The following LTO1 variants were observed in gnomAD, a reference collection of about 807,000 sequenced individuals.
LTO1 encodes LTO1 maturation factor of ABCE1.
A neutral mutation model predicts 19.8 loss-of-function variants in LTO1; 18 were observed. That is an observed-to-expected ratio of 0.91 (90% CI 0.63 to 1.35). The LOEUF (loss-of-function observed/expected upper bound fraction) is 1.35, where lower values mean the gene tolerates loss of function less well. Ranked by LOEUF, LTO1 falls within the 40% of genes most tolerant of loss-of-function variation. The probability of loss-of-function intolerance (pLI) is 0.00; values close to 1 mark genes in which losing one functional copy is unlikely to be tolerated. For missense variants in LTO1, 175 were observed against 167.9 expected, an observed-to-expected ratio of 1.04 and a Z score of -0.23; for synonymous variants, 59 against 59.6, an observed-to-expected ratio of 0.99 and a Z score of 0.05.
At chr11:69,670,458 G>A (rs1384874746) in intron 3 of LTO1, among the ~76,000 whole-genome samples, 1 of 152,238 alleles carries the variant, frequency 6.6e-6, no homozygotes, top group African/African-American at 2.4e-5. Flanking sequence ...GGGATCCCCA[G>A]CTGCCGGCCG....
At position 69,667,470 on chromosome 11, in the gene LTO1, CA is replaced by C. The variant is rs1856049290; in HGVS notation, c.*48del. The C allele has an allele frequency of 8.2e-7, 1 of 1,222,460 alleles. No homozygotes were observed. The highest frequency in any genetic ancestry group is 1.2e-5 in the South Asian group (1 of 82,836). 75.7% of individuals were successfully genotyped at this position (1,222,460 alleles called of 1,614,324 possible). A position where few individuals can be genotyped will look rare whatever the true frequency, so the allele number is the denominator to read the frequency against. On this transcript the variant is annotated 3_prime_UTR_variant, in exon 5 of 5. Coordinates refer to ENST00000279147, the MANE Select transcript of LTO1 (RefSeq NM_153451.3). ...CCCTTCACCGCATTTCTAAACACGT[CA>C]CACACACATCTGTTCCTCGACGTTC...
At chr11:69,667,784 C>T (rs528951178) in intron 4 of LTO1, 111 bp downstream of exon 4, 10 of 748,566 alleles carry the variant, frequency 1.3e-5, no homozygotes, top group African/African-American at 5.2e-5. Flanking sequence ...GACAGTTCCG[C>T]GGCGCACGCA....
intron 3 of LTO1, among the ~76,000 whole-genome samples, chr11:69,669,605 G>A (rs575816176): frequency 5.9e-5 from 9 of 152,312 alleles, no homozygotes; most frequent in Non-Finnish European, 1.2e-4. Flanking sequence ...CTTGGCAAGC[G>A]GTTACTTTTC....
chr11:69,666,889 CT>C lies in LTO1; in HGVS notation c.*629del, dbSNP rs1402820712. ...CTGTGCATTCCGGAGGCGGCTGTGC[CT>C]GGTGGCAGTGAGGCACAGCCTTAGG... On this transcript the variant is annotated 3_prime_UTR_variant, in exon 5 of 5. Coordinates refer to ENST00000279147, the MANE Select transcript of LTO1 (RefSeq NM_153451.3). 1 of 152,268 alleles carries C rather than the reference CT, an allele frequency of 6.6e-6. No homozygotes were observed. Among genetic ancestry groups the C allele is most frequent in the Non-Finnish European group, 1.5e-5 (1 of 68,108 alleles). The allele number at this position is 152,268 out of a possible 1,614,324, so 9.4% of individuals were successfully genotyped here. A position where few individuals can be genotyped will look rare whatever the true frequency, so the allele number is the denominator to read the frequency against.
At chr11:69,673,751 G>A (rs1335148145) in intron 1 of LTO1, among the ~76,000 whole-genome samples, 4 of 131,924 alleles carry the variant, frequency 3.0e-5, no homozygotes, top group African/African-American at 1.1e-4. Context: ...GCAGTGGTAT[G>A]ATCACAGCTC....
intron 3 of LTO1, 78 bp downstream of exon 3, chr11:69,671,671 C>T: frequency 3.7e-6 from 3 of 815,630 alleles, no homozygotes; most frequent in Non-Finnish European, 6.6e-6. Context: ...AGATTGATTA[C>T]TCAAGGGCAT....
intron 3 of LTO1, among the ~76,000 whole-genome samples, chr11:69,670,692 C>G (rs574397779): frequency 2.0e-5 from 3 of 152,058 alleles, no homozygotes; most frequent in Non-Finnish European, 4.4e-5. Context: ...AGAGAGTTAC[C>G]CACTCTCCTT....
chr11:69,672,984 T>A, intron 2 of LTO1: 2 of 530,400 alleles, frequency 3.8e-6, no homozygotes, highest in Non-Finnish European at 7.1e-6. Flanking sequence ...GTATTTTTAG[T>A]AGAGACAGGG....
chr11:69,669,946 A>T (rs936684121), intron 3 of LTO1, among the ~76,000 whole-genome samples: 7 of 152,064 alleles, frequency 4.6e-5, no homozygotes, highest in African/African-American at 1.7e-4. Context: ...TTCTCTTAAC[A>T]TCCTTATTTG....
Position 69,667,750 on chromosome 11 carries a change from A to G in LTO1, c.345+145T>C. ...CTGTCTTCAGTTTTCCTGCACTGCG[A>G]CTCAAGGATGAGGCGCCTCTACGGA... On this transcript the variant is annotated intron_variant, in intron 4 of 4. Coordinates refer to ENST00000279147, the MANE Select transcript of LTO1 (RefSeq NM_153451.3). The G allele has an allele frequency of 5.6e-6, 4 of 708,074 alleles. No individual in the cohort carries two copies. The South Asian group carries it at 6.8e-5, about 12-fold the overall frequency. The allele number at this position is 708,074 out of a possible 1,614,324, so 43.9% of individuals were successfully genotyped here.
At chr11:69,670,954 G>A (rs951434952) in intron 3 of LTO1, among the ~76,000 whole-genome samples, 21 of 152,146 alleles carry the variant, frequency 1.4e-4, no homozygotes, top group African/African-American at 4.6e-4. Flanking sequence ...AGGCTGGAGC[G>A]CAGTGGCATT....
At chr11:69,669,010 AGAGT>A (rs1211243636) in intron 3 of LTO1, among the ~76,000 whole-genome samples, 1 of 143,964 alleles carries the variant, frequency 6.9e-6, no homozygotes, top group African/African-American at 2.7e-5. Context: ...CCTAGGGGAC[AGAGT>A]GAGAATCCGT....
At chr11:69,670,126 C>T (rs950469071) in intron 3 of LTO1, among the ~76,000 whole-genome samples, 3 of 152,140 alleles carry the variant, frequency 2.0e-5, no homozygotes, top group African/African-American at 4.8e-5. Context: ...GGGATGAGGG[C>T]GGCTGCGAGG....
At chr11:69,673,887 C>T (rs2119852963) in intron 1 of LTO1, among the ~76,000 whole-genome samples, 1 of 151,784 alleles carries the variant, frequency 6.6e-6, no homozygotes. Context: ...GATGGAGTCT[C>T]GCTTTGTCGC....
At chr11:69,672,802 T>G (rs1856125710) in intron 2 of LTO1, 1 of 313,450 alleles carries the variant, frequency 3.2e-6, no homozygotes, top group South Asian at 2.9e-5. Context: ...GCACTGTGAT[T>G]TTTTTTGTTT....
rs1459671260 is a variant in LTO1, at chr11:69,666,729, T to A, written c.*790A>T. 1 of 152,292 alleles carries A rather than the reference T, an allele frequency of 6.6e-6. No homozygotes were observed. The highest frequency in any genetic ancestry group is 1.9e-4 in the East Asian group (1 of 5,194). 9.4% of individuals were successfully genotyped at this position (152,292 alleles called of 1,614,324 possible). On this transcript the variant is annotated 3_prime_UTR_variant, in exon 5 of 5. Coordinates refer to ENST00000279147, the MANE Select transcript of LTO1 (RefSeq NM_153451.3). ...CTAGGGACAGTGCAAAGGATATGTC[T>A]GGGTCCCCTCAGGATCAGGTTGGCC... is the stretch of plus-strand genomic sequence containing the variant.
At position 69,667,422 on chromosome 11, in the gene LTO1, A is replaced by C; in HGVS notation, c.*97T>G. ...GGAACCCTCACCCTCCCAATGAACA[A>C]CTGCCTTCCCAGCACCGTCTGGCCC... On this transcript the variant is annotated 3_prime_UTR_variant, in exon 5 of 5. Transcript: ENST00000279147. 2.4e-6 allele frequency: 2 copies of C among 836,812 alleles called. No homozygotes were observed. Among genetic ancestry groups the C allele is most frequent in the Non-Finnish European group, 4.1e-6 (2 of 490,494 alleles). The allele number at this position is 836,812 out of a possible 1,614,324, so 51.8% of individuals were successfully genotyped here.
chr11:69,668,784 T>A (rs1856069278), intron 3 of LTO1, among the ~76,000 whole-genome samples: 1 of 151,870 alleles, frequency 6.6e-6, no homozygotes, highest in South Asian at 2.1e-4. Flanking sequence ...TCCCAGCACT[T>A]TGGGAGGCCG....
intron 3 of LTO1, among the ~76,000 whole-genome samples, chr11:69,668,991 G>C (rs1856071821): frequency 6.9e-6 from 1 of 145,620 alleles, no homozygotes; most frequent in Non-Finnish European, 1.5e-5. Context: ...TTGTGCCACT[G>C]CACTCCAGCC....
Sources: gnomAD v4.1 joint callset for allele counts (sites outside exome capture counted in the v4.1 genomes callset) on GRCh38, gnomAD v4.1.1 for gene constraint, MANE v1.5 for transcripts, NCBI Gene and HGNC (gene_info 2026-07-23, HGNC 2026-07-21) for gene names.